Variants in FSIP2 observed in about 807,000 individuals in gnomAD.
FSIP2 encodes the protein fibrous sheath interacting protein 2, also known as fibrous sheath-interacting protein 2.
Under a neutral mutation model 510.5 loss-of-function variants are expected in FSIP2, and 367 were observed. That is an observed-to-expected ratio of 0.72 (90% CI 0.66 to 0.78). The LOEUF is 0.78. FSIP2 is among the 30% of genes least tolerant of loss of function. The pLI is 0.00. For synonymous variants in FSIP2, 2,601 were observed against 2,732.2 expected (o/e 0.95, Z 1.50); for missense variants, 7,594 against 7,901.7 (o/e 0.96, Z 1.48).
At chr2:185,772,559 T>C (rs1692625755) in intron 13 of FSIP2, among the ~76,000 whole-genome samples, 1 of 152,118 alleles carries the variant, frequency 6.6e-6, no homozygotes, top group African/African-American at 2.4e-5. Context: ...CCAGTTCTCA[T>C]GTGAACTCAG....
At chr2:185,754,834 G>A (rs779023501) in intron 8 of FSIP2, among the ~76,000 whole-genome samples, 3 of 151,312 alleles carry the variant, frequency 2.0e-5, no homozygotes, top group Non-Finnish European at 3.0e-5. Context: ...TTATGGCTTG[G>A]GCAAATTATT....
At position 185,800,086 on chromosome 2, in the gene FSIP2, G is replaced by A. The variant is rs764266188; in HGVS notation, c.10780G>A (p.Gly3594Arg). The A allele has an allele frequency of 3.8e-5, 58 of 1,533,238 alleles. No individual in the cohort carries two copies. The highest frequency in any genetic ancestry group is 2.8e-4 in the Admixed American group (14 of 50,812). 95.0% of individuals were successfully genotyped at this position (1,533,238 alleles called of 1,614,324 possible). ...ACCTACAAAATACACTTACTGTCCA[G>A]GAATAGTTTCTGGTGGCTTTGATGA... ...AIPTKYTYCP[G>R]IVSGGFDDLF... is the part of the protein sequence containing the mutation. The change falls in exon 17 of 23, where the codon GGA (glycine) becomes AGA (arginine). Residue 3594 changes from glycine to arginine, a missense_variant. Gly to Arg is a moderately radical substitution (Grantham distance 125, BLOSUM62 -2). Transcript: ENST00000424728.
chr2:185,752,471 T>C (rs923650531), intron 7 of FSIP2, among the ~76,000 whole-genome samples: 1 of 151,340 alleles, frequency 6.6e-6, no homozygotes, highest in African/African-American at 2.4e-5. Context: ...ACGGTTTTCA[T>C]CAAATTTGAA....
Position 185,792,070 on chromosome 2 carries a change from A to C in FSIP2, c.4934A>C (p.Lys1645Thr). The C allele has an allele frequency of 6.5e-7, 1 of 1,533,882 alleles. No homozygotes were observed. Among genetic ancestry groups the C allele is most frequent in the Non-Finnish European group, 8.7e-7 (1 of 1,145,240 alleles). The change falls in exon 16 of 23, where the codon AAG becomes ACG. Residue 1645 changes from lysine to threonine, a missense_variant. Transcript: ENST00000424728. ...FLSALYMHAK[K>T]VSSAILKVIQ... ...TCTGCTTTATATATGCATGCAAAGA[A>C]GGTATCAAGTGCTATTTTGAAGGTT...
At chr2:185,739,987 C>G (rs755916882) in intron 2 of FSIP2, among the ~76,000 whole-genome samples, 5 of 152,106 alleles carry the variant, frequency 3.3e-5, no homozygotes, top group Non-Finnish European at 5.9e-5. Flanking sequence ...TTTAACCTTA[C>G]TTTAATGAAA....
In FSIP2 at chr2:185,796,368, T is replaced by C; in HGVS notation, c.9232T>C (p.Leu3078=). 6.5e-7 allele frequency: 1 copy of C among 1,534,026 alleles called. No individual in the cohort carries two copies. The highest frequency in any genetic ancestry group is 8.7e-7 in the Non-Finnish European group (1 of 1,145,428). ...LLRVHSFHSQ[L]LTYAVNIISD... ...ACGGGTTCATTCATTCCATTCACAA[T>C]TACTTACATATGCTGTTAATATCAT... Residue 3078 remains leucine (L), a synonymous_variant, in exon 16 of 23, where the codon TTA becomes CTA. Transcript: ENST00000424728.
At chr2:185,822,661 A>C (rs1366225842) in intron 19 of FSIP2, among the ~76,000 whole-genome samples, 1 of 151,914 alleles carries the variant, frequency 6.6e-6, no homozygotes, top group East Asian at 1.9e-4. Context: ...AATCAATGGA[A>C]TCCTTATCAA....
At chr2:185,797,872 G>A (rs1194038183) in intron 16 of FSIP2, among the ~76,000 whole-genome samples, 1 of 151,638 alleles carries the variant, frequency 6.6e-6, no homozygotes, top group African/African-American at 2.4e-5. Context: ...AAATCTTTTT[G>A]TAGAGACAGG....
intron 17 of FSIP2, among the ~76,000 whole-genome samples, chr2:185,809,678 A>G (rs1258514615): frequency 1.3e-5 from 2 of 152,014 alleles, no homozygotes; most frequent in Non-Finnish European, 1.5e-5. Flanking sequence ...TTTTACTTCA[A>G]TTATATTAGC....
In FSIP2 at chr2:185,794,076, A is replaced by G. The variant is rs943948427; in HGVS notation, c.6940A>G (p.Ile2314Val). 12 of 1,530,918 alleles carry G rather than the reference A, an allele frequency of 7.8e-6. No individual in the cohort carries two copies. The African/African-American group carries it at 1.6e-4, about 21-fold the overall frequency. 94.8% of individuals were successfully genotyped at this position (1,530,918 alleles called of 1,614,324 possible). Residue 2314 changes from isoleucine (I) to valine (V), a missense_variant, in exon 16 of 23, where the codon ATA becomes GTA. Ile to Val is a conservative substitution (Grantham distance 29, BLOSUM62 3). Coordinates refer to ENST00000424728, the MANE Select transcript of FSIP2 (RefSeq NM_173651.4). ...QVESDVNVLK[I>V]SATETILSQE... ...GGAATCAGATGTAAATGTCCTGAAA[A>G]TATCAGCAACTGAAACCATTCTCAG...
intron 5 of FSIP2, among the ~76,000 whole-genome samples, chr2:185,746,428 C>A (rs1320934830): frequency 2.0e-5 from 3 of 151,980 alleles, no homozygotes; most frequent in Admixed American, 2.0e-4. Flanking sequence ...TTACCATTAT[C>A]TTTGCCATTA....
At chr2:185,767,453 T>A (rs1692512816) in intron 13 of FSIP2, among the ~76,000 whole-genome samples, 1 of 152,132 alleles carries the variant, frequency 6.6e-6, no homozygotes, top group Admixed American at 6.6e-5. Flanking sequence ...TATATCCTCC[T>A]CCCCATAACT....
rs1169281955 is a variant in FSIP2, at chr2:185,800,394, C to T, written c.11088C>T (p.Val3696=). Residue 3696 remains valine (V), a synonymous_variant, in exon 17 of 23, where the codon GTC becomes GTT. Transcript: ENST00000424728. ...NLKTSESKEV[V]NKVFNIVSDL... ...AAACAAGTGAATCCAAAGAAGTAGT[C>T]AATAAAGTTTTTAATATTGTTTCAG... The T allele has an allele frequency of 6.5e-7, 1 of 1,526,798 alleles. No individual in the cohort carries two copies. Among genetic ancestry groups the T allele is most frequent in the Non-Finnish European group, 8.7e-7 (1 of 1,143,378 alleles). 94.6% of individuals were successfully genotyped at this position (1,526,798 alleles called of 1,614,324 possible). A position where few individuals can be genotyped will look rare whatever the true frequency, so the allele number is the denominator to read the frequency against.
In FSIP2 at chr2:185,746,784, C is replaced by T. The variant is rs1325100593; in HGVS notation, c.733C>T (p.Leu245Phe). ...ACAGCGGGAACACACAAGAAGAAAA[C>T]TTACTCTTCGTAGAAAAATAGAAGA... ...RRQREHTRRK[L>F]TLRRKIEEEW... The change falls in exon 6 of 23, where the codon CTT becomes TTT. Residue 245 changes from leucine to phenylalanine, a missense_variant. Physicochemically the swap from Leu to Phe is conservative, Grantham distance 22. Coordinates refer to ENST00000424728, the MANE Select transcript of FSIP2 (RefSeq NM_173651.4). 6.6e-7 allele frequency: 1 copy of T among 1,520,464 alleles called. No individual in the cohort carries two copies. Among genetic ancestry groups the T allele is most frequent in the East Asian group, 2.4e-5 (1 of 40,836 alleles). The allele number at this position is 1,520,464 out of a possible 1,614,324, so 94.2% of individuals were successfully genotyped here.
upstream of FSIP2, chr2:185,738,774 G>A (rs773234389): frequency 6.5e-6 from 10 of 1,535,912 alleles, no homozygotes; most frequent in Non-Finnish European, 8.7e-6. Context: ...GGAACGCGGG[G>A]GGCGGGGCTG....
At chr2:185,754,285 T>C (rs1692200874) in intron 8 of FSIP2, among the ~76,000 whole-genome samples, 1 of 151,500 alleles carries the variant, frequency 6.6e-6, no homozygotes. Flanking sequence ...GGCTTTGTTA[T>C]GCCCGGCCTC....
rs1346235316 is a variant in FSIP2 at position 185,804,309 on chromosome 2, T to A, written c.15003T>A (p.Ile5001=). The A allele has an allele frequency of 7.9e-6, 12 of 1,513,728 alleles. No individual in the cohort carries two copies. Among genetic ancestry groups the A allele is most frequent in the African/African-American group, 2.8e-5 (2 of 71,560 alleles). The allele number at this position is 1,513,728 out of a possible 1,614,324, so 93.8% of individuals were successfully genotyped here. The change falls in exon 17 of 23, where the codon ATT becomes ATA. Residue 5001 remains isoleucine (I), a synonymous_variant. Transcript: ENST00000424728. ...TTCTGGAGTTCACCACATCAGAGATTTTAGTTGCAGATAACTTTGATAAAA... is the reference window on the plus strand; with the variant it reads ...TTCTGGAGTTCACCACATCAGAGATATTAGTTGCAGATAACTTTGATAAAA... ...SIVLEFTTSE[I]LVADNFDKNL...
In FSIP2 at chr2:185,814,043, G is replaced by A. The variant is rs1245460417; in HGVS notation, c.20325+1G>A. Reference sequence around the variant, plus strand: ...TTGGGAGGAAAAGCCCCAGTGTAAGGTAAGTGATAAGCATGACTGTTAGTG... The same window carrying A: ...TTGGGAGGAAAAGCCCCAGTGTAAGATAAGTGATAAGCATGACTGTTAGTG... On this transcript the variant is annotated splice_donor_variant, in intron 18 of 22. Coordinates refer to ENST00000424728, the MANE Select transcript of FSIP2 (RefSeq NM_173651.4). LOFTEE classifies it high-confidence loss of function. The A allele has an allele frequency of 6.2e-7, 1 of 1,608,356 alleles. No homozygotes were observed. Among genetic ancestry groups the A allele is most frequent in the Non-Finnish European group, 8.5e-7 (1 of 1,177,230 alleles).
intron 8 of FSIP2, among the ~76,000 whole-genome samples, chr2:185,755,164 A>T (rs1180382655): frequency 6.6e-6 from 1 of 151,478 alleles, no homozygotes; most frequent in Non-Finnish European, 1.5e-5. Context: ...TTTTCTGTGA[A>T]TCTCTCAAGT....
Sources: gnomAD v4.1 joint callset for allele counts (sites outside exome capture counted in the v4.1 genomes callset) on GRCh38, gnomAD v4.1.1 for gene constraint, MANE v1.5 for transcripts, NCBI Gene and HGNC (gene_info 2026-07-23, HGNC 2026-07-21) for gene names.